Variants in TMCO4 observed in about 807,000 individuals in gnomAD.
TMCO4 encodes the protein transmembrane and coiled-coil domains 4, also known as transmembrane and coiled-coil domain-containing protein 4.
A neutral mutation model predicts 64.7 loss-of-function variants in TMCO4; 58 were observed. The observed-to-expected ratio is 0.90, with a 90% CI of 0.73 to 1.12. The LOEUF is 1.12. Among genes scored for constraint, TMCO4 ranks in the 50% most tolerant of loss-of-function variants. The pLI is 0.00. For synonymous variants in TMCO4, 325 were observed against 346.1 expected (o/e 0.94, Z 0.68); for missense variants, 780 against 825.9 (o/e 0.94, Z 0.68).
At chr1:19,698,627 A>C (rs2095251815) in intron 14 of TMCO4, among the ~76,000 whole-genome samples, 1 of 152,226 alleles carries the variant, frequency 6.6e-6, no homozygotes, top group Admixed American at 6.5e-5. Flanking sequence ...TTGGAGGCCA[A>C]GAATCTGAAC....
intron 10 of TMCO4, among the ~76,000 whole-genome samples, chr1:19,742,058 C>T (rs1410276401): frequency 6.6e-6 from 1 of 152,054 alleles, no homozygotes; most frequent in Non-Finnish European, 1.5e-5. Flanking sequence ...TTTCAAAACA[C>T]AAATCTTCTC....
intron 13 of TMCO4, among the ~76,000 whole-genome samples, chr1:19,705,003 C>T (rs762758290): frequency 9.2e-5 from 14 of 152,146 alleles, no homozygotes; most frequent in Non-Finnish European, 1.9e-4. Flanking sequence ...CTCTCTTTGT[C>T]GCTGCTGACC....
At chr1:19,753,329 C>T (rs1006116904) in intron 7 of TMCO4, among the ~76,000 whole-genome samples, 3 of 152,196 alleles carry the variant, frequency 2.0e-5, no homozygotes, top group Admixed American at 6.5e-5. Flanking sequence ...GTGCCAAGCA[C>T]GGGTCCCAGC....
chr1:19,770,440 C>G (rs1263109761), intron 6 of TMCO4, 102 bp downstream of exon 6: 6 of 1,359,932 alleles, frequency 4.4e-6, no homozygotes, highest in Non-Finnish European at 6.3e-6. Context: ...GTCAAAAGAC[C>G]ACGGGGGACC....
At chr1:19,763,683 C>T (rs2042606979) in intron 6 of TMCO4, among the ~76,000 whole-genome samples, 3 of 152,218 alleles carry the variant, frequency 2.0e-5, no homozygotes, top group African/African-American at 4.8e-5. Flanking sequence ...ACCCACCACC[C>T]TACTATCCCT....
intron 14 of TMCO4, among the ~76,000 whole-genome samples, chr1:19,700,422 C>T (rs762755327): frequency 6.6e-6 from 1 of 152,170 alleles, no homozygotes; most frequent in African/African-American, 2.4e-5. Context: ...TCCCTGTGGC[C>T]CAATCTTTGT....
chr1:19,721,915 G>A (rs963694990), intron 13 of TMCO4, among the ~76,000 whole-genome samples: 2 of 152,170 alleles, frequency 1.3e-5, no homozygotes, highest in Non-Finnish European at 2.9e-5. Context: ...CTATCTGAGG[G>A]GCCAGCGGCC....
chr1:19,746,580 A>G lies in TMCO4; in HGVS notation c.633T>C (p.Ala211=). Residue 211 remains alanine, a synonymous_variant, in exon 9 of 16, where the codon GCT becomes GCC. Transcript: ENST00000294543. Reference sequence around the variant, plus strand: ...CTGCTCCAGCGGCAACAAGGGGTGCAGCTAGACCTCCAGTCACACCTGTGG... The same window carrying G: ...CTGCTCCAGCGGCAACAAGGGGTGCGGCTAGACCTCCAGTCACACCTGTGG... ...GTVIGVTGGL[A]APLVAAGAAT... The G allele has an allele frequency of 6.2e-7, 1 of 1,610,698 alleles. No homozygotes were observed. The highest frequency in any genetic ancestry group is 1.1e-5 in the South Asian group (1 of 90,386).
intron 3 of TMCO4, among the ~76,000 whole-genome samples, chr1:19,781,698 G>A (rs1225853979): frequency 2.0e-5 from 3 of 149,288 alleles, no homozygotes; most frequent in East Asian, 4.0e-4. Context: ...CCAGGCTGGA[G>A]TGCAGTGGCA....
At chr1:19,749,194 T>C (rs182686827) in intron 7 of TMCO4, among the ~76,000 whole-genome samples, 82 of 152,344 alleles carry the variant, frequency 5.4e-4, no homozygotes, top group African/African-American at 1.7e-3. Context: ...GATGTAGGCA[T>C]GAATCCTAGC....
chr1:19,722,226 C>T (rs937077420), intron 13 of TMCO4, among the ~76,000 whole-genome samples: 18 of 152,182 alleles, frequency 1.2e-4, no homozygotes, highest in African/African-American at 4.1e-4. Flanking sequence ...AGTCCACAAT[C>T]ACATGCTCAT....
chr1:19,780,783 C>T lies in TMCO4; in HGVS notation c.-8-17G>A. ...TTCCCAGCGCTGCAGGAGAAAATTCCCAGTGAGAAATGCTTCCAGAGGTAA... is the reference window on the plus strand; with the variant it reads ...TTCCCAGCGCTGCAGGAGAAAATTCTCAGTGAGAAATGCTTCCAGAGGTAA... On this transcript the variant is annotated splice_polypyrimidine_tract_variant and intron_variant, in intron 3 of 15. Coordinates refer to ENST00000294543, the MANE Select transcript of TMCO4 (RefSeq NM_181719.7). 6.5e-7 allele frequency: 1 copy of T among 1,541,608 alleles called. No homozygotes were observed. Among genetic ancestry groups the T allele is most frequent in the African/African-American group, 1.4e-5 (1 of 71,796 alleles).
chr1:19,708,382 TTA>T lies in TMCO4; in HGVS notation c.1265-7499_1265-7498del, dbSNP rs148129313. Among the ~76,000 whole-genome samples, 1,105 of 150,728 alleles carry T rather than the reference TTA, an allele frequency of 7.3e-3. 11 individuals carry two copies. The highest frequency in any genetic ancestry group is 0.021 in the South Asian group (103 of 4,794). On this transcript the variant is annotated intron_variant, in intron 13 of 15. Coordinates refer to ENST00000294543, the MANE Select transcript of TMCO4 (RefSeq NM_181719.7). ...AAAGTCTGGAAATTATCTTAGCTTT[TTA>T]AAAAAAAAATACATAAATAAAAAAA...
intron 13 of TMCO4, among the ~76,000 whole-genome samples, chr1:19,727,315 G>T (rs1557520729): frequency 6.6e-6 from 1 of 152,216 alleles, no homozygotes. Flanking sequence ...TGAAAGAGCA[G>T]TAAGAACTTC....
chr1:19,757,712 T>C (rs1015679339), intron 6 of TMCO4, among the ~76,000 whole-genome samples: 3 of 152,194 alleles, frequency 2.0e-5, no homozygotes, highest in African/African-American at 7.2e-5. Flanking sequence ...CATTTGATTG[T>C]ACTCATCATA....
At chr1:19,778,063 A>C (rs2043292501) in intron 4 of TMCO4, among the ~76,000 whole-genome samples, 1 of 151,972 alleles carries the variant, frequency 6.6e-6, no homozygotes, top group Admixed American at 6.6e-5. Flanking sequence ...CAACCAAAAA[A>C]CCACAAAAAT....
intron 10 of TMCO4, 39 bp from the exon 11 acceptor site, chr1:19,740,980 T>G: frequency 6.4e-7 from 1 of 1,552,230 alleles, no homozygotes; most frequent in Non-Finnish European, 8.7e-7. Flanking sequence ...CTCTTGTCTA[T>G]GGCAGAGGAT....
chr1:19,723,743 A>G (rs2095396379), intron 13 of TMCO4, among the ~76,000 whole-genome samples: 1 of 152,118 alleles, frequency 6.6e-6, no homozygotes, highest in Non-Finnish European at 1.5e-5. Context: ...AGGCTCTTCC[A>G]GCTCTGAGCT....
chr1:19,796,007 C>T (rs1042728898), intron 2 of TMCO4, among the ~76,000 whole-genome samples: 1 of 152,248 alleles, frequency 6.6e-6, no homozygotes, highest in Non-Finnish European at 1.5e-5. Context: ...CCACCTCGGG[C>T]CTCAGCTCAG....
Sources: gnomAD v4.1 joint callset for allele counts (sites outside exome capture counted in the v4.1 genomes callset) on GRCh38, gnomAD v4.1.1 for gene constraint, MANE v1.5 for transcripts, NCBI Gene and HGNC (gene_info 2026-07-23, HGNC 2026-07-21) for gene names.